Variants in THSD4 observed in about 807,000 individuals in gnomAD.
THSD4 encodes the protein thrombospondin type 1 domain containing 4, also known as thrombospondin type-1 domain-containing protein 4.
In THSD4, 69 loss-of-function variants were observed where a neutral mutation model predicts 119.0. The observed-to-expected ratio is 0.58, with a 90% CI of 0.48 to 0.71. The LOEUF is 0.71. Ranked by LOEUF, THSD4 falls within the 30% of genes least tolerant of loss-of-function variation. The pLI, the probability that THSD4 is intolerant of heterozygous loss-of-function variation, is 0.00. For missense variants in THSD4, 1,393 were observed against 1,391.1 expected (o/e 1.00, Z -0.02); for synonymous variants, 524 against 540.4 (o/e 0.97, Z 0.42).
chr15:71,506,757 C>T (rs894603237), intron 7 of THSD4, among the ~76,000 whole-genome samples: 5 of 152,230 alleles, frequency 3.3e-5, no homozygotes, highest in South Asian at 2.1e-4. Context: ...CCCAAGGCTA[C>T]TGCCATGGCA....
rs915274418 is a variant in THSD4 at position 71,771,291 on chromosome 15, T to C, written c.2914+83T>C. 8 of 1,531,918 alleles carry C rather than the reference T, an allele frequency of 5.2e-6. No homozygotes were observed. In the African/African-American group the frequency reaches 1.1e-4, roughly 21 times the overall value. 94.9% of individuals were successfully genotyped at this position (1,531,918 alleles called of 1,614,324 possible). On this transcript the variant is annotated intron_variant, in intron 17 of 17. Transcript: ENST00000261862. The stretch of plus-strand genomic sequence containing the variant: ...CTCCGGTGTGACAATAACAAGCCTC[T>C]TCTAGGTCTTTCTGTGACCTTGCAC...
At chr15:71,442,332 G>A (rs1469324047) in intron 7 of THSD4, among the ~76,000 whole-genome samples, 2 of 151,656 alleles carry the variant, frequency 1.3e-5, no homozygotes, top group South Asian at 2.1e-4. Flanking sequence ...ACTTTGGGAG[G>A]CCAAGCCAGG....
chr15:71,672,282 C>T (rs539257977), intron 8 of THSD4, among the ~76,000 whole-genome samples: 2 of 152,282 alleles, frequency 1.3e-5, no homozygotes, highest in African/African-American at 4.8e-5. Flanking sequence ...ATTTGGCTCT[C>T]TGTTTGTCTG....
At chr15:71,706,364 AAAAT>A (rs1242883989) in intron 8 of THSD4, among the ~76,000 whole-genome samples, 1 of 152,130 alleles carries the variant, frequency 6.6e-6, no homozygotes, top group African/African-American at 2.4e-5. Context: ...ATGGGAGAAA[AAAAT>A]GGTGTGTTTG....
At chr15:71,690,527 A>G (rs930012994) in intron 8 of THSD4, among the ~76,000 whole-genome samples, 1 of 152,236 alleles carries the variant, frequency 6.6e-6, no homozygotes, top group Admixed American at 6.5e-5. Flanking sequence ...TGGCCCCCCA[A>G]AGTTGTCCAC....
At chr15:71,365,236 A>C (rs2045946553) in intron 6 of THSD4, among the ~76,000 whole-genome samples, 1 of 151,754 alleles carries the variant, frequency 6.6e-6, no homozygotes, top group Non-Finnish European at 1.5e-5. Flanking sequence ...GTGTGTAGTG[A>C]CTAAAGGACT....
At chr15:71,738,056 G>A (rs1595904876) in intron 11 of THSD4, 49 bp downstream of exon 11, 4 of 1,601,808 alleles carry the variant, frequency 2.5e-6, no homozygotes, top group Non-Finnish European at 3.4e-6. Context: ...CCTAAGCAAG[G>A]AGTGTGTGGG....
Position 71,115,749 on chromosome 15 carries a change from C to G in THSD4, c.-80+51C>G, listed in dbSNP as rs1161865175. On this transcript the variant is annotated intron_variant, in intron 1 of 17. Coordinates refer to ENST00000261862, the MANE Select transcript of THSD4 (RefSeq NM_024817.3). This position sits in a 1 kb window ranked among gnomAD's most constrained non-coding sequence, Gnocchi z 4.4. ...CCCCTGCGCGCCGCCCGCGCGGCCC[C>G]GACCCGGCTTCCGCTGCCCAGGCTC... is the stretch of plus-strand genomic sequence containing the variant. 6.7e-6 allele frequency: 1 copy of G among 148,512 alleles called. No individual in the cohort carries two copies. Among genetic ancestry groups the G allele is most frequent in the Non-Finnish European group, 1.5e-5 (1 of 66,694 alleles). 9.2% of individuals were successfully genotyped at this position (148,512 alleles called of 1,614,324 possible).
At chr15:71,186,712 G>T (rs567000993) in intron 3 of THSD4, 4 of 152,326 alleles carry the variant, frequency 2.6e-5, no homozygotes, top group African/African-American at 7.2e-5. Context: ...TGTATTCCCA[G>T]AACCTACCGC....
chr15:71,430,759 GAAAAAAAAAAAA>G (rs397719477), intron 7 of THSD4, among the ~76,000 whole-genome samples: 3 of 82,958 alleles, frequency 3.6e-5, no homozygotes, highest in Admixed American at 1.7e-4. Flanking sequence ...TCTGTCTCAA[GAAAAAAAAAAAA>G]AAAAAAAAAA....
chr15:71,716,318 T>C (rs961181999), intron 8 of THSD4, among the ~76,000 whole-genome samples: 2 of 152,172 alleles, frequency 1.3e-5, no homozygotes. Context: ...TCAAAGATCC[T>C]ATTTCTAAAT....
At chr15:71,120,182 G>A (rs146702720) in intron 1 of THSD4, among the ~76,000 whole-genome samples, 11 of 152,276 alleles carry the variant, frequency 7.2e-5, no homozygotes, top group African/African-American at 2.2e-4. Context: ...TCCCAGCTGC[G>A]CGGTGATAGT....
chr15:71,750,179 G>A (rs183164273), intron 14 of THSD4, among the ~76,000 whole-genome samples: 51 of 152,066 alleles, frequency 3.4e-4, no homozygotes, highest in African/African-American at 1.1e-3. Flanking sequence ...CCCCCACCCC[G>A]TCCCCACTCC....
In THSD4 at chr15:71,223,580, G is replaced by A. The variant is rs184673662; in HGVS notation, c.464+8181G>A. On this transcript the variant is annotated intron_variant, in intron 4 of 17. Transcript: ENST00000261862. Reference sequence around the variant, plus strand: ...TAGACATTGCCTTGTTTAAAGTTTTGTTGTCATTTGAATTCAGCCAATATT... The same window carrying A: ...TAGACATTGCCTTGTTTAAAGTTTTATTGTCATTTGAATTCAGCCAATATT... 3.8e-4 allele frequency among the ~76,000 whole-genome samples: 58 copies of A among 152,268 alleles called. No homozygotes were observed. In the Middle Eastern group the frequency reaches 0.01, roughly 27 times the overall value.
intron 7 of THSD4, among the ~76,000 whole-genome samples, chr15:71,556,631 G>A (rs904760657): frequency 3.3e-5 from 5 of 152,008 alleles, no homozygotes; most frequent in Non-Finnish European, 5.9e-5. Context: ...AGGCATGGTG[G>A]TGTGTGCCTA....
At chr15:71,544,491 A>G (rs188337016) in intron 7 of THSD4, among the ~76,000 whole-genome samples, 180 of 152,296 alleles carry the variant, frequency 1.2e-3, no homozygotes, top group African/African-American at 4.2e-3. Flanking sequence ...GTTATTGTCA[A>G]AAAAGTGGAA....
In THSD4 at chr15:71,586,878, A is replaced by G. The variant is rs564069153; in HGVS notation, c.1153-73652A>G. On this transcript the variant is annotated intron_variant, in intron 7 of 17. Transcript: ENST00000261862. ...TCGTTAAAGGAAGCTGCTTATCACA[A>G]CCAACAAGCATTATGCCTAGTCAGT... 2.6e-5 allele frequency among the ~76,000 whole-genome samples: 4 copies of G among 152,332 alleles called. No individual in the cohort carries two copies. In the East Asian group the frequency reaches 5.8e-4, roughly 22 times the overall value.
At chr15:71,186,415 C>T (rs17784939) in intron 3 of THSD4, 17,941 of 152,270 alleles carry the variant, frequency 0.12, 1,349 homozygotes, top group Admixed American at 0.19. Context: ...TCCCAATACC[C>T]GACTTCAGCT....
chr15:71,184,666 G>A (rs2043579315), intron 3 of THSD4, among the ~76,000 whole-genome samples: 1 of 151,764 alleles, frequency 6.6e-6, no homozygotes, highest in Non-Finnish European at 1.5e-5. Flanking sequence ...CCCCAGTGAT[G>A]CATATCCTCC....
Sources: allele counts gnomAD v4.1 joint callset (sites outside exome capture counted in the v4.1 genomes callset), GRCh38; gene constraint gnomAD v4.1.1; non-coding constraint Gnocchi (gnomAD v3.1); transcripts MANE v1.5; gene names NCBI Gene and HGNC (gene_info 2026-07-23, HGNC 2026-07-21).